The following CABIN1 variants were observed in gnomAD, a reference collection of about 807,000 sequenced individuals.
CABIN1 encodes calcineurin-binding protein cabin-1.
CABIN1 carries 133 observed loss-of-function variants against 227.7 expected under a neutral mutation model. That is an observed-to-expected ratio of 0.58 (90% CI 0.51 to 0.67). The LOEUF (loss-of-function observed/expected upper bound fraction) is 0.67, where lower values mean the gene tolerates loss of function less well. Ranked by LOEUF, CABIN1 falls within the 30% of genes least tolerant of loss-of-function variation. The probability of loss-of-function intolerance (pLI) is 0.00; values close to 1 mark genes in which losing one functional copy is unlikely to be tolerated. For synonymous variants in CABIN1, 1,086 were observed against 1,155.1 expected (o/e 0.94, Z 1.21); for missense variants, 2,408 against 2,852.5 (o/e 0.84, Z 3.55).
intron 29 of CABIN1, among the ~76,000 whole-genome samples, chr22:24,137,063 T>C (rs747852593): frequency 6.6e-6 from 1 of 152,210 alleles, no homozygotes; most frequent in Non-Finnish European, 1.5e-5. Context: ...GAAGAGTAAC[T>C]GTAGGAATCA....
At chr22:24,091,226 G>A (rs748744755) in intron 23 of CABIN1, among the ~76,000 whole-genome samples, 9 of 152,234 alleles carry the variant, frequency 5.9e-5, no homozygotes, top group Non-Finnish European at 1.0e-4. Flanking sequence ...CTTCAGTGCC[G>A]TAGGGCTGGG....
At chr22:24,134,532 CAG>C (rs2044272718) in intron 29 of CABIN1, 117 bp downstream of exon 29, 1 of 782,566 alleles carries the variant, frequency 1.3e-6, no homozygotes, top group South Asian at 1.5e-5. Flanking sequence ...GCGGCATCCT[CAG>C]AGGGCAGGCA....
At chr22:24,162,457 T>C (rs1431466804) in intron 29 of CABIN1, among the ~76,000 whole-genome samples, 1 of 151,972 alleles carries the variant, frequency 6.6e-6, no homozygotes, top group African/African-American at 2.4e-5. Flanking sequence ...TAAATAAACA[T>C]AGGAGCCCCC....
rs139783753 is a variant in CABIN1, at chr22:24,167,270, G to A, written c.5639G>A (p.Arg1880His). 50 of 1,613,254 alleles carry A rather than the reference G, an allele frequency of 3.1e-5. No individual in the cohort carries two copies. The highest frequency in any genetic ancestry group is 2.7e-4 in the Admixed American group (16 of 59,994). The stretch of plus-strand genomic sequence containing the variant: ...AAGGGTGTGGCCTATGACCTGGGCC[G>A]TGTGGAGAGGATCATGTCGGAGACC... ...GQKGVAYDLG[R>H]VERIMSETYM... The change falls in exon 32 of 37, where the codon CGT becomes CAT. Residue 1880 changes from arginine (R) to histidine (H), a missense_variant. Arg to His is a conservative substitution (Grantham distance 29). Around this residue, in one of 3 missense-constraint regions of CABIN1, gnomAD observed 714 missense variants for 773.8 expected, o/e 0.92. Coordinates refer to ENST00000263119, the MANE Select transcript of CABIN1 (RefSeq NM_012295.4).
intron 25 of CABIN1, among the ~76,000 whole-genome samples, chr22:24,097,298 T>C (rs1158764068): frequency 6.6e-6 from 1 of 152,234 alleles, no homozygotes; most frequent in African/African-American, 2.4e-5. Context: ...TTAGCTACTA[T>C]TCACAGTTTA....
chr22:24,112,868 T>C (rs2042883807), intron 26 of CABIN1, among the ~76,000 whole-genome samples: 1 of 152,174 alleles, frequency 6.6e-6, no homozygotes, highest in South Asian at 2.1e-4. Flanking sequence ...TTCCTCCAGG[T>C]AGGCTTTGTA....
intron 11 of CABIN1, 70 bp downstream of exon 11, chr22:24,059,433 T>C: frequency 6.4e-7 from 1 of 1,572,068 alleles, no homozygotes; most frequent in Non-Finnish European, 8.7e-7. Flanking sequence ...CCTGCTTATG[T>C]TTTGTTCTGG....
Position 24,171,789 on chromosome 22 carries a change from C to T in CABIN1, c.5834C>T (p.Pro1945Leu). 6.2e-7 allele frequency: 1 copy of T among 1,614,196 alleles called. No individual in the cohort carries two copies. ...RENFFPVTVV[P>L]TAPDPVPADS... ...AACTTCTTTCCTGTGACAGTGGTGCCCACAGCCCCTGACCCTGTGCCAGCT... is the reference window on the plus strand; with the variant it reads ...AACTTCTTTCCTGTGACAGTGGTGCTCACAGCCCCTGACCCTGTGCCAGCT... The change falls in exon 34 of 37, where the codon CCC becomes CTC. Residue 1945 changes from proline to leucine, a missense_variant. Around this residue, in one of 3 missense-constraint regions of CABIN1, gnomAD observed 714 missense variants for 773.8 expected, o/e 0.92. Coordinates refer to ENST00000263119, the MANE Select transcript of CABIN1 (RefSeq NM_012295.4).
At chr22:24,050,481 T>G (rs1265564556) in intron 7 of CABIN1, among the ~76,000 whole-genome samples, 1 of 152,240 alleles carries the variant, frequency 6.6e-6, no homozygotes, top group Non-Finnish European at 1.5e-5. Flanking sequence ...CAGTATAGGA[T>G]AGTTACATTC....
At chr22:24,042,400 C>G (rs9608235) in intron 5 of CABIN1, among the ~76,000 whole-genome samples, 2 of 152,120 alleles carry the variant, frequency 1.3e-5, no homozygotes, top group Non-Finnish European at 2.9e-5. Context: ...GGATAACATA[C>G]TAAGACCGTG....
intron 19 of CABIN1, among the ~76,000 whole-genome samples, chr22:24,079,822 A>G (rs1231152998): frequency 6.6e-6 from 1 of 152,090 alleles, no homozygotes; most frequent in African/African-American, 2.4e-5. Context: ...CTGATACATA[A>G]GTTTCACCAG....
chr22:24,079,319 T>G (rs1601950709), intron 19 of CABIN1, among the ~76,000 whole-genome samples: 1 of 152,222 alleles, frequency 6.6e-6, no homozygotes, highest in South Asian at 2.1e-4. Flanking sequence ...GCATTAAGGT[T>G]GTTTATCCAT....
At chr22:24,164,329 AC>A in intron 29 of CABIN1, 70 bp from the exon 30 acceptor site, 1 of 1,582,466 alleles carries the variant, frequency 6.3e-7, no homozygotes, top group Admixed American at 1.7e-5. Flanking sequence ...TCCAGGGGAT[AC>A]CAGACAGGGT....
At chr22:24,036,956 G>A (rs545532439) in intron 3 of CABIN1, among the ~76,000 whole-genome samples, 10 of 152,192 alleles carry the variant, frequency 6.6e-5, no homozygotes, top group African/African-American at 2.4e-4. Flanking sequence ...GCAGAGTGGT[G>A]AGTAGAAAAA....
chr22:24,070,512 G>A (rs940242749), intron 16 of CABIN1, among the ~76,000 whole-genome samples: 1 of 152,252 alleles, frequency 6.6e-6, no homozygotes, highest in African/African-American at 2.4e-5. Context: ...TGGCTCTGCA[G>A]CCTCATTCCC....
At chr22:24,109,217 T>C (rs533441968) in intron 26 of CABIN1, among the ~76,000 whole-genome samples, 1 of 151,854 alleles carries the variant, frequency 6.6e-6, no homozygotes, top group African/African-American at 2.4e-5. Context: ...AACTTTATAT[T>C]TTGCTTTTTT....
At chr22:24,165,769 C>T (rs980280399) in intron 31 of CABIN1, 143 bp downstream of exon 31, 4 of 698,540 alleles carry the variant, frequency 5.7e-6, no homozygotes, top group South Asian at 1.6e-5. Context: ...AGCACCCATC[C>T]TGTCTTCCTA....
intron 19 of CABIN1, among the ~76,000 whole-genome samples, chr22:24,077,589 C>G (rs1417308221): frequency 6.6e-6 from 1 of 152,156 alleles, no homozygotes; most frequent in East Asian, 1.9e-4. Context: ...GGGATGCTCA[C>G]CCTGGGTCAG....
chr22:24,066,918 A>C, intron 15 of CABIN1, 69 bp from the exon 16 acceptor site: 1 of 1,458,802 alleles, frequency 6.9e-7, no homozygotes, highest in Non-Finnish European at 9.6e-7. Context: ...AAAAACAAAC[A>C]CTGGCCAGAT....
Sources: allele counts gnomAD v4.1 joint callset (sites outside exome capture counted in the v4.1 genomes callset), GRCh38; gene constraint gnomAD v4.1.1; regional missense constraint gnomAD v4.1.1; transcripts MANE v1.5; gene names NCBI Gene and HGNC (gene_info 2026-07-23, HGNC 2026-07-21).